Variants in LGSN observed in about 807,000 individuals in gnomAD.
The protein encoded by LGSN is lengsin.
In LGSN, 21 loss-of-function variants were observed where a neutral mutation model predicts 19.5. The observed-to-expected ratio is 1.07, with a 90% CI of 0.76 to 1.55. The LOEUF is 1.55. Among genes scored for constraint, LGSN ranks in the 40% most tolerant of loss-of-function variants. LGSN has a pLI of 0.00. For missense variants in LGSN, 673 were observed against 608.5 expected (o/e 1.11, Z -1.12); for synonymous variants, 257 against 215.6 (o/e 1.19, Z -1.68).
At chr6:63,567,351 A>G in the LGSN span, among the ~76,000 whole-genome samples, 1,451 of 152,340 alleles carry the variant, frequency 9.5e-3, 12 homozygotes, top group South Asian at 0.038. Flanking sequence ...TCCTTGATCC[A>G]TGGGTTGCAG....
chr6:63,355,429 T>A, the LGSN span, among the ~76,000 whole-genome samples: 1 of 152,142 alleles, frequency 6.6e-6, no homozygotes, highest in African/African-American at 2.4e-5. Flanking sequence ...AAAGAGTACA[T>A]CCTATGCCAG....
At chr6:63,491,797 G>A in the LGSN span, among the ~76,000 whole-genome samples, 8 of 152,186 alleles carry the variant, frequency 5.3e-5, no homozygotes, top group South Asian at 2.1e-4. Flanking sequence ...CTGGGAGGCC[G>A]AGGCGGGCGG....
chr6:63,514,461 C>T, the LGSN span, among the ~76,000 whole-genome samples: 1 of 152,138 alleles, frequency 6.6e-6, no homozygotes, highest in African/African-American at 2.4e-5. Context: ...CTCCTGACCC[C>T]AAGTGTCCGC....
chr6:63,381,293 T>C, the LGSN span, among the ~76,000 whole-genome samples: 1 of 152,212 alleles, frequency 6.6e-6, no homozygotes, highest in African/African-American at 2.4e-5. Flanking sequence ...CTGCAATCTG[T>C]ATGCCAGTTT....
chr6:63,401,006 T>G, the LGSN span, among the ~76,000 whole-genome samples: 2 of 151,986 alleles, frequency 1.3e-5, no homozygotes, highest in Non-Finnish European at 2.9e-5. Flanking sequence ...AAAAAAAACA[T>G]TAATTCAACA....
At chr6:63,379,837 AT>A in the LGSN span, among the ~76,000 whole-genome samples, 1,147 of 151,034 alleles carry the variant, frequency 7.6e-3, 8 homozygotes, top group African/African-American at 0.026. Context: ...CTGCCATATA[AT>A]TTTTTTCTTT....
At chr6:63,303,819 C>A (rs1380496224) in intron 1 of LGSN, among the ~76,000 whole-genome samples, 2 of 152,218 alleles carry the variant, frequency 1.3e-5, no homozygotes, top group East Asian at 3.9e-4. Flanking sequence ...AATACTGGGA[C>A]CTTGAACCTT....
At chr6:63,490,948 G>T in the LGSN span, among the ~76,000 whole-genome samples, 6 of 152,020 alleles carry the variant, frequency 3.9e-5, no homozygotes, top group Non-Finnish European at 8.8e-5. Context: ...AAGAGACAGT[G>T]AATTCATCCT....
chr6:63,277,202 A>T lies in LGSN; in HGVS notation c.*2819T>A, dbSNP rs1767127554. The T allele has an allele frequency of 6.6e-6, 1 of 152,204 alleles. No homozygotes were observed. Among genetic ancestry groups the T allele is most frequent in the African/African-American group, 2.4e-5 (1 of 41,442 alleles). The allele number at this position is 152,204 out of a possible 1,614,324, so 9.4% of individuals were successfully genotyped here. Reference sequence around the variant, plus strand: ...GGAAAAAACGGCTTCAAACACTGTGATTATCAGACTTTTTACAGCATCTTT... The same window carrying T: ...GGAAAAAACGGCTTCAAACACTGTGTTTATCAGACTTTTTACAGCATCTTT... On this transcript the variant is annotated 3_prime_UTR_variant, in exon 4 of 4. Transcript: ENST00000370657.
chr6:63,451,422 G>A, the LGSN span, among the ~76,000 whole-genome samples: 1 of 152,192 alleles, frequency 6.6e-6, no homozygotes, highest in Non-Finnish European at 1.5e-5. Flanking sequence ...ATAAAAGAAT[G>A]AGATCATGTC....
At chr6:63,445,673 A>G in the LGSN span, among the ~76,000 whole-genome samples, 79 of 152,140 alleles carry the variant, frequency 5.2e-4, no homozygotes, top group Non-Finnish European at 1.0e-3. Context: ...AAGAATTAAG[A>G]ATGTGTGGTC....
the LGSN span, among the ~76,000 whole-genome samples, chr6:63,371,057 A>G: frequency 2.6e-5 from 4 of 152,210 alleles, no homozygotes; most frequent in East Asian, 1.9e-4. Context: ...TCTAGCATCT[A>G]GCATATATTA....
At chr6:63,364,056 AG>A in the LGSN span, among the ~76,000 whole-genome samples, 4 of 152,222 alleles carry the variant, frequency 2.6e-5, no homozygotes, top group African/African-American at 9.6e-5. Flanking sequence ...TCATAATGAC[AG>A]GATCAAATTC....
At chr6:63,377,214 TA>T in the LGSN span, among the ~76,000 whole-genome samples, 1 of 152,250 alleles carries the variant, frequency 6.6e-6, no homozygotes, top group Non-Finnish European at 1.5e-5. Context: ...CTGGCTTTTT[TA>T]ATCTTTGGCA....
intron 1 of LGSN, among the ~76,000 whole-genome samples, chr6:63,299,594 AT>A (rs1356368851): frequency 6.6e-6 from 1 of 152,228 alleles, no homozygotes; most frequent in African/African-American, 2.4e-5. Context: ...TAATTGGAAT[AT>A]TGATAGTCTG....
chr6:63,447,130 T>G, the LGSN span, among the ~76,000 whole-genome samples: 5 of 152,344 alleles, frequency 3.3e-5, no homozygotes, highest in Admixed American at 2.0e-4. Context: ...AGTTTGTTGG[T>G]TCGTTTTGGA....
At chr6:63,477,679 C>CTTTTTTCTTTTTT in the LGSN span, among the ~76,000 whole-genome samples, 2 of 50,450 alleles carry the variant, frequency 4.0e-5, 1 homozygote, top group African/African-American at 1.4e-4. Context: ...TCTTCTTCTT[C>CTTTTTTCTTTTTT]TTTTTTTCTT....
the LGSN span, among the ~76,000 whole-genome samples, chr6:63,366,194 C>A: frequency 6.6e-6 from 1 of 152,200 alleles, no homozygotes; most frequent in East Asian, 1.9e-4. Flanking sequence ...AAAACCCCAT[C>A]GTCTCAGCCT....
chr6:63,417,961 G>C, the LGSN span, among the ~76,000 whole-genome samples: 1 of 152,014 alleles, frequency 6.6e-6, no homozygotes, highest in Non-Finnish European at 1.5e-5. Flanking sequence ...AATGTTTAGA[G>C]GTTATAAATT....
Sources: gnomAD v4.1 joint callset for allele counts (sites outside exome capture counted in the v4.1 genomes callset) on GRCh38, gnomAD v4.1.1 for gene constraint, MANE v1.5 for transcripts, NCBI Gene and HGNC (gene_info 2026-07-23, HGNC 2026-07-21) for gene names.